XKR6: variants seen among roughly 807,000 people sequenced by gnomAD.
XKR6 encodes the protein XK-related protein 6.
Under a neutral mutation model 56.7 loss-of-function variants are expected in XKR6, and 22 were observed. That is an observed-to-expected ratio of 0.39 (90% confidence interval 0.28 to 0.55). XKR6 has a LOEUF of 0.55. Ranked by LOEUF, XKR6 falls within the 20% of genes least tolerant of loss-of-function variation. XKR6 has a pLI of 0.66. For synonymous variants in XKR6, 524 were observed against 387.8 expected, an observed-to-expected ratio of 1.35 and a Z score of -4.13; for missense variants, 852 against 889.0, an observed-to-expected ratio of 0.96 and a Z score of 0.53.
intron 1 of XKR6, among the ~76,000 whole-genome samples, chr8:11,130,380 C>T (rs182436960): frequency 6.6e-6 from 1 of 152,102 alleles, no homozygotes; most frequent in Admixed American, 6.6e-5. Flanking sequence ...CACTAAGCCA[C>T]GTAGTAGTCT....
In XKR6 at chr8:11,106,834, G is replaced by A. The variant is rs183417807; in HGVS notation, c.764+93742C>T. The stretch of plus-strand genomic sequence containing the variant: ...CACTTGTACTCCAGCCTGGGCAAGA[G>A]AGTGAGACTTCATCTCAAAAAAAAA... On this transcript the variant is annotated intron_variant, in intron 1 of 2. Transcript: ENST00000416569. 4.9e-5 allele frequency: 4 copies of A among 81,576 alleles called. No individual in the cohort carries two copies. The East Asian group carries it at 8.3e-4, about 17-fold the overall frequency. 5.1% of individuals were successfully genotyped at this position (81,576 alleles called of 1,614,324 possible). A position where few individuals can be genotyped will look rare whatever the true frequency, so the allele number is the denominator to read the frequency against.
At chr8:11,037,319 G>A (rs1034552630) in intron 1 of XKR6, among the ~76,000 whole-genome samples, 4 of 152,034 alleles carry the variant, frequency 2.6e-5, no homozygotes, top group Non-Finnish European at 5.9e-5. Flanking sequence ...TTCACCTCCC[G>A]GGCTCAAGCC....
chr8:10,974,460 C>G (rs75327395), intron 1 of XKR6, among the ~76,000 whole-genome samples: 1 of 152,126 alleles, frequency 6.6e-6, no homozygotes, highest in Admixed American at 6.5e-5. Flanking sequence ...GAAAGGCTAC[C>G]ATCTCCCTGA....
rs577006164 is a variant in XKR6 at position 11,022,094 on chromosome 8, G to C, written c.765-97264C>G. Among the ~76,000 whole-genome samples, 8 of 149,894 alleles carry C rather than the reference G, an allele frequency of 5.3e-5. No homozygotes were observed. The South Asian group carries it at 1.1e-3, about 20-fold the overall frequency. On this transcript the variant is annotated intron_variant, in intron 1 of 2. Coordinates refer to ENST00000416569, the MANE Select transcript of XKR6 (RefSeq NM_173683.4). ...GAGCTTTTTCAGAAATATAACCAAA[G>C]AAGCCCCTGCCCTGGAGAGCTTTCA...
At chr8:11,050,571 TAAAA>T (rs56370844) in intron 1 of XKR6, among the ~76,000 whole-genome samples, 5 of 142,060 alleles carry the variant, frequency 3.5e-5, no homozygotes, top group Admixed American at 6.9e-5. Context: ...TCATTTTATT[TAAAA>T]AAAAAAAAAA....
intron 1 of XKR6, among the ~76,000 whole-genome samples, chr8:11,083,748 G>C (rs1223771456): frequency 6.6e-6 from 1 of 152,172 alleles, no homozygotes; most frequent in Non-Finnish European, 1.5e-5. Flanking sequence ...AAGAGATCTG[G>C]AAAGCTGCTG....
At chr8:11,143,708 A>T (rs144879744) in intron 1 of XKR6, among the ~76,000 whole-genome samples, 2 of 152,330 alleles carry the variant, frequency 1.3e-5, no homozygotes, top group Non-Finnish European at 2.9e-5. Context: ...AGGATGGGAC[A>T]CATACGGGAG....
intron 1 of XKR6, among the ~76,000 whole-genome samples, chr8:10,978,691 C>T (rs1237684846): frequency 3.3e-5 from 5 of 152,234 alleles, no homozygotes; most frequent in Non-Finnish European, 5.9e-5. Context: ...CACTTCTTTG[C>T]CTTGGTTCTT....
At chr8:11,139,613 C>G (rs73665005) in intron 1 of XKR6, among the ~76,000 whole-genome samples, 3,843 of 152,152 alleles carry the variant, frequency 0.025, 176 homozygotes, top group African/African-American at 0.086. Flanking sequence ...AGGCCTCACA[C>G]TGAGGAGAAA....
In XKR6 at chr8:11,022,845, C is replaced by T. The variant is rs375478209; in HGVS notation, c.765-98015G>A. On this transcript the variant is annotated intron_variant, in intron 1 of 2. Coordinates refer to ENST00000416569, the MANE Select transcript of XKR6 (RefSeq NM_173683.4). ...ACTTTTTTATTTGTTATAAATATTT[C>T]ATTGATCAACATTTAGTTCCTCAGG... 3.3e-5 allele frequency among the ~76,000 whole-genome samples: 5 copies of T among 152,274 alleles called. 1 individual carries two copies. Among genetic ancestry groups the T allele is most frequent in the African/African-American group, 1.2e-4 (5 of 41,564 alleles).
chr8:11,123,920 T>C, intron 1 of XKR6: 1 of 456,198 alleles, frequency 2.2e-6, no homozygotes, highest in South Asian at 1.5e-5. Context: ...ATGATGTTCT[T>C]GGCTTGCCAC....
chr8:11,179,020 C>CT lies in XKR6; in HGVS notation c.764+21555dup, dbSNP rs35214787. Among the ~76,000 whole-genome samples the CT allele has an allele frequency of 9.3e-3, 977 of 104,500 alleles. 17 individuals are homozygous for CT. The highest frequency in any genetic ancestry group is 0.01 in the Non-Finnish European group (566 of 54,786). 68.6% of individuals were successfully genotyped at this position (104,500 alleles called of 152,430 possible). Reference sequence around the variant, plus strand: ...ACCACACCTGGCTAATTTTCTTTTTCTTTTTTTTTTTTTTTTTTTGGAGAG... The same window carrying CT: ...ACCACACCTGGCTAATTTTCTTTTTCTTTTTTTTTTTTTTTTTTTTGGAGAG... On this transcript the variant is annotated intron_variant, in intron 1 of 2. Coordinates refer to ENST00000416569, the MANE Select transcript of XKR6 (RefSeq NM_173683.4).
At chr8:11,155,938 G>A (rs984441008) in intron 1 of XKR6, among the ~76,000 whole-genome samples, 2 of 152,206 alleles carry the variant, frequency 1.3e-5, no homozygotes, top group African/African-American at 4.8e-5. Flanking sequence ...ATGCAATGAA[G>A]GAGGCGCCTA....
intron 1 of XKR6, among the ~76,000 whole-genome samples, chr8:11,173,260 C>G (rs925922006): frequency 1.7e-4 from 25 of 151,508 alleles, no homozygotes; most frequent in East Asian, 9.7e-4. Context: ...AGGAGAATGG[C>G]GTGAACCCAG....
chr8:11,025,504 C>G (rs527581612), intron 1 of XKR6, among the ~76,000 whole-genome samples: 5 of 152,256 alleles, frequency 3.3e-5, no homozygotes, highest in African/African-American at 9.6e-5. Context: ...ACTTTCCCTC[C>G]AAGAAGCTTA....
intron 1 of XKR6, among the ~76,000 whole-genome samples, chr8:11,044,080 C>T (rs905452269): frequency 6.6e-6 from 1 of 152,340 alleles, no homozygotes; most frequent in Admixed American, 6.5e-5. Context: ...CCAGCTGTAA[C>T]TACAGCTTTG....
chr8:10,958,243 G>A (rs77589229), intron 1 of XKR6, among the ~76,000 whole-genome samples: 338 of 152,366 alleles, frequency 2.2e-3, no homozygotes, highest in Non-Finnish European at 3.3e-3. Context: ...CAAGTCATCT[G>A]CAGAAGGAAC....
At chr8:10,901,055 CTTTTTTTTTT>C (rs35359233) in intron 2 of XKR6, among the ~76,000 whole-genome samples, 1 of 122,272 alleles carries the variant, frequency 8.2e-6, no homozygotes. Context: ...GTTTCTACTT[CTTTTTTTTTT>C]TTTTTTTTAA....
intron 1 of XKR6, among the ~76,000 whole-genome samples, chr8:10,932,420 TTTTTC>T (rs1285664878): frequency 2.7e-5 from 3 of 111,188 alleles, no homozygotes; most frequent in Non-Finnish European, 5.9e-5. Flanking sequence ...AGTTATTTTC[TTTTTC>T]TTTTTTTTTT....
Sources: allele counts gnomAD v4.1 joint callset (sites outside exome capture counted in the v4.1 genomes callset), GRCh38; gene constraint gnomAD v4.1.1; transcripts MANE v1.5; gene names NCBI Gene and HGNC (gene_info 2026-07-23, HGNC 2026-07-21).